CCDC141: variants seen among roughly 807,000 people sequenced by gnomAD.
CCDC141 encodes the protein coiled-coil domain-containing protein 141.
A neutral mutation model predicts 181.0 loss-of-function variants in CCDC141; 168 were observed. The ratio of observed to expected loss-of-function variants is 0.93; its 90% CI spans 0.82 to 1.05. The LOEUF is 1.05. Among genes scored for constraint, CCDC141 ranks in the 50% least tolerant of loss-of-function variants. The pLI is 0.00. For synonymous variants in CCDC141, 666 were observed against 642.3 expected (o/e 1.04, Z -0.56); for missense variants, 1,902 against 1,788.5 (o/e 1.06, Z -1.14).
At chr2:178,868,250 A>C in intron 15 of CCDC141, 45 bp from the exon 16 acceptor site, 1 of 1,539,010 alleles carries the variant, frequency 6.5e-7, no homozygotes, top group South Asian at 1.2e-5. Flanking sequence ...TTATATGAAG[A>C]CAAATTTTTT....
intron 2 of CCDC141, among the ~76,000 whole-genome samples, chr2:179,042,599 T>C (rs1437390260): frequency 6.6e-6 from 1 of 152,168 alleles, no homozygotes; most frequent in Admixed American, 6.5e-5. Flanking sequence ...CCACCCACCT[T>C]GGCCTGCCAA....
rs905877846 is a variant in CCDC141, at chr2:178,835,393, G to A, written c.4326-953C>T. Among the ~76,000 whole-genome samples, 10 of 152,288 alleles carry A rather than the reference G, an allele frequency of 6.6e-5. 1 individual carries two copies. The highest frequency in any genetic ancestry group is 2.4e-4 in the African/African-American group (10 of 41,576). ...ATTTCTAGAAGGTTCCTATGAACATGAGTGCTTAACTGCATGGTTTTATAA... is the reference window on the plus strand; with the variant it reads ...ATTTCTAGAAGGTTCCTATGAACATAAGTGCTTAACTGCATGGTTTTATAA... On this transcript the variant is annotated intron_variant, in intron 23 of 23. Coordinates refer to ENST00000443758, the MANE Select transcript of CCDC141 (RefSeq NM_173648.4).
At chr2:179,047,223 A>G (rs1174195190) in intron 2 of CCDC141, 61 bp downstream of exon 2, 97 of 1,432,508 alleles carry the variant, frequency 6.8e-5, no homozygotes, top group Non-Finnish European at 7.5e-5. Context: ...ATCAAGAAGT[A>G]TAAGAAATAG....
At chr2:179,020,260 A>G (rs2042657649) in intron 2 of CCDC141, among the ~76,000 whole-genome samples, 1 of 152,000 alleles carries the variant, frequency 6.6e-6, no homozygotes, top group Admixed American at 6.6e-5. Context: ...TTACCTAAAT[A>G]TTTTCCTACT....
At chr2:178,863,168 C>A (rs929774469) in intron 17 of CCDC141, among the ~76,000 whole-genome samples, 1 of 152,168 alleles carries the variant, frequency 6.6e-6, no homozygotes, top group African/African-American at 2.4e-5. Flanking sequence ...CCCTGGAACA[C>A]CCTGAGCTGA....
At chr2:178,908,590 A>C (rs1019452574) in intron 7 of CCDC141, among the ~76,000 whole-genome samples, 70 of 152,332 alleles carry the variant, frequency 4.6e-4, no homozygotes, top group African/African-American at 1.5e-3. Context: ...AATATATGTG[A>C]ATTAGTGCAT....
intron 17 of CCDC141, among the ~76,000 whole-genome samples, chr2:178,863,303 C>A (rs1403785116): frequency 2.0e-5 from 3 of 152,164 alleles, no homozygotes; most frequent in South Asian, 4.1e-4. Context: ...AGTCTGTGAA[C>A]TTTCTAACAG....
intron 6 of CCDC141, among the ~76,000 whole-genome samples, chr2:178,923,440 A>C (rs1688792803): frequency 6.6e-6 from 1 of 152,124 alleles, no homozygotes; most frequent in South Asian, 2.1e-4. Flanking sequence ...TTTCCAGAGC[A>C]ATTTGAATCC....
chr2:178,986,764 T>C (rs1343305438), intron 2 of CCDC141, among the ~76,000 whole-genome samples: 1 of 151,844 alleles, frequency 6.6e-6, no homozygotes, highest in African/African-American at 2.4e-5. Context: ...GTACAAGGGA[T>C]GTGAAGGACC....
chr2:179,032,598 C>A (rs2043030980), intron 2 of CCDC141, among the ~76,000 whole-genome samples: 1 of 152,074 alleles, frequency 6.6e-6, no homozygotes, highest in South Asian at 2.1e-4. Context: ...GAAAACACTG[C>A]TGGTTTGGTG....
intron 2 of CCDC141, among the ~76,000 whole-genome samples, chr2:178,999,502 A>G (rs552736399): frequency 8.5e-5 from 13 of 152,164 alleles, no homozygotes; most frequent in Non-Finnish European, 1.9e-4. Flanking sequence ...AACTTTCTAA[A>G]TCAGAAGTAT....
intron 6 of CCDC141, among the ~76,000 whole-genome samples, chr2:178,935,162 G>T (rs1008433163): frequency 6.6e-6 from 1 of 151,902 alleles, no homozygotes; most frequent in Admixed American, 6.6e-5. Context: ...TACAGTGAAG[G>T]TTTGTTACAT....
rs1685387556 is a variant in CCDC141, at chr2:178,856,349, A to G, written c.2773T>C (p.Phe925Leu). ...DIKKKFNNLKFNYTKKNEKSR... is the reference protein window; with the variant it reads ...DIKKKFNNLKLNYTKKNEKSR... Reference sequence around the variant, plus strand: ...TTTTCATTTTTCTTAGTGTAATTAAACTTCAAATTATTGAATTTCTTTTTG... The same window carrying G: ...TTTTCATTTTTCTTAGTGTAATTAAGCTTCAAATTATTGAATTTCTTTTTG... The change falls in exon 18 of 24, where the codon TTT becomes CTT. Residue 925 changes from phenylalanine (F) to leucine (L), a missense_variant. Physicochemically the swap from Phe to Leu is conservative, Grantham distance 22 (BLOSUM62 0). Coordinates refer to ENST00000443758, the MANE Select transcript of CCDC141 (RefSeq NM_173648.4). 6.2e-7 allele frequency: 1 copy of G among 1,606,242 alleles called. No homozygotes were observed. The highest frequency in any genetic ancestry group is 8.5e-7 in the Non-Finnish European group (1 of 1,174,688).
rs545523545 is a variant in CCDC141 at position 178,954,033 on chromosome 2, C to T, written c.780+7197G>A. ...ACCTTCTGATATGAATTCTATTATCCTTCCTGCCCCTAAAGGTGTATATCT... is the reference window on the plus strand; with the variant it reads ...ACCTTCTGATATGAATTCTATTATCTTTCCTGCCCCTAAAGGTGTATATCT... On this transcript the variant is annotated intron_variant, in intron 5 of 23. Coordinates refer to ENST00000443758, the MANE Select transcript of CCDC141 (RefSeq NM_173648.4). Among the ~76,000 whole-genome samples, 16 of 152,264 alleles carry T rather than the reference C, an allele frequency of 1.1e-4. No homozygotes were observed. The South Asian group carries it at 1.7e-3, about 16-fold the overall frequency.
chr2:179,046,430 C>T (rs952878370), intron 2 of CCDC141, among the ~76,000 whole-genome samples: 2 of 152,248 alleles, frequency 1.3e-5, no homozygotes, highest in Admixed American at 6.5e-5. Flanking sequence ...AGTCGGCTGT[C>T]CTGTCTGCTC....
intron 2 of CCDC141, among the ~76,000 whole-genome samples, chr2:179,039,953 T>C (rs1295134656): frequency 2.0e-5 from 3 of 152,242 alleles, no homozygotes; most frequent in African/African-American, 7.2e-5. Context: ...ATTTTTTTCT[T>C]TTCTAGACTC....
rs535976196 is a variant in CCDC141, at chr2:178,892,744, A to G, written c.1266-4076T>C. 2.0e-5 allele frequency among the ~76,000 whole-genome samples: 3 copies of G among 152,314 alleles called. No individual in the cohort carries two copies. In the South Asian group the frequency reaches 6.2e-4, roughly 32 times the overall value. On this transcript the variant is annotated intron_variant, in intron 8 of 23. Coordinates refer to ENST00000443758, the MANE Select transcript of CCDC141 (RefSeq NM_173648.4). ...GCAATTCTTACATGAACTGAAAATAAATTGATAGAATCTCATCAGTCTCCC... is the reference window on the plus strand; with the variant it reads ...GCAATTCTTACATGAACTGAAAATAGATTGATAGAATCTCATCAGTCTCCC...
chr2:178,873,031 C>T (rs773799958), intron 12 of CCDC141: 2 of 152,128 alleles, frequency 1.3e-5, no homozygotes, highest in Non-Finnish European at 2.9e-5. Flanking sequence ...TAAGACTATG[C>T]GTGCTTTATT....
intron 2 of CCDC141, among the ~76,000 whole-genome samples, chr2:179,015,166 CATATAT>C (rs1458209326): frequency 2.0e-5 from 2 of 101,312 alleles, no homozygotes; most frequent in Admixed American, 1.1e-4. Flanking sequence ...ATATACATCT[CATATAT>C]ATCTCATATA....
Sources: allele counts gnomAD v4.1 joint callset (sites outside exome capture counted in the v4.1 genomes callset), GRCh38; gene constraint gnomAD v4.1.1; transcripts MANE v1.5; gene names NCBI Gene and HGNC (gene_info 2026-07-23, HGNC 2026-07-21).